HLTF: variants seen among roughly 807,000 people sequenced by gnomAD.
HLTF encodes the protein helicase like transcription factor.
A neutral mutation model predicts 129.4 loss-of-function variants in HLTF; 127 were observed. That is an observed-to-expected ratio of 0.98 (90% CI 0.85 to 1.14). The LOEUF is 1.14. Among genes scored for constraint, HLTF ranks in the 50% most tolerant of loss-of-function variants. The pLI, the probability that HLTF is intolerant of heterozygous loss-of-function variation, is 0.00. For missense variants in HLTF, 1,139 were observed against 1,187.1 expected (o/e 0.96, Z 0.60); for synonymous variants, 332 against 388.8 (o/e 0.85, Z 1.72).
At chr3:149,062,397 A>G (rs1239139598) in intron 10 of HLTF, among the ~76,000 whole-genome samples, 1 of 152,226 alleles carries the variant, frequency 6.6e-6, no homozygotes, top group Non-Finnish European at 1.5e-5. Flanking sequence ...AACACTGATG[A>G]GTGCTGGCTT....
At chr3:149,047,997 C>T (rs750232301) in intron 17 of HLTF, 31 bp downstream of exon 17, 3 of 1,540,962 alleles carry the variant, frequency 1.9e-6, no homozygotes, top group South Asian at 1.2e-5. Flanking sequence ...TTATTTGTAA[C>T]TAATATTAAT....
At chr3:149,086,296 C>T in intron 1 of HLTF, 21 bp downstream of exon 1, 1 of 1,601,778 alleles carries the variant, frequency 6.2e-7, no homozygotes, top group Non-Finnish European at 8.5e-7. Context: ...CCGAGCGCCC[C>T]ACCCCCTCCG....
intron 13 of HLTF, 109 bp from the exon 14 acceptor site, chr3:149,055,509 T>A: frequency 1.4e-6 from 1 of 729,544 alleles, no homozygotes; most frequent in Non-Finnish European, 2.3e-6. Context: ...TAGGAACAAT[T>A]AAAATGAAGC....
Position 149,063,535 on chromosome 3 carries a change from G to T in HLTF, c.1067-11C>A, listed in dbSNP as rs745786676. On this transcript the variant is annotated splice_polypyrimidine_tract_variant and intron_variant, in intron 9 of 24. Coordinates refer to ENST00000310053, the MANE Select transcript of HLTF (RefSeq NM_003071.4). ...TACATCTAGATGCGTCTATTTCAAA[G>T]AAAAATGCAAATATAAAGTATTAGT... 2 of 1,497,090 alleles carry T rather than the reference G, an allele frequency of 1.3e-6. No homozygotes were observed. Among genetic ancestry groups the T allele is most frequent in the Non-Finnish European group, 1.9e-6 (2 of 1,074,116 alleles). 92.7% of individuals were successfully genotyped at this position (1,497,090 alleles called of 1,614,324 possible).
intron 18 of HLTF, 64 bp from the exon 19 acceptor site, chr3:149,042,354 C>A: frequency 7.2e-7 from 1 of 1,383,872 alleles, no homozygotes; most frequent in Non-Finnish European, 1.0e-6. Flanking sequence ...TATTCTAAAA[C>A]AGCAGAGTAA....
chr3:149,050,997 G>T (rs904121850), intron 14 of HLTF, among the ~76,000 whole-genome samples: 2 of 152,032 alleles, frequency 1.3e-5, no homozygotes, highest in African/African-American at 4.8e-5. Flanking sequence ...ACTGAAAAGA[G>T]AAGATACCAG....
intron 24 of HLTF, among the ~76,000 whole-genome samples, chr3:149,032,835 C>T (rs566739813): frequency 2.9e-4 from 44 of 151,704 alleles, no homozygotes; most frequent in Admixed American, 1.0e-3. Flanking sequence ...TGGTGGTGGG[C>T]GCCTGTAGTC....
rs369084592 is a variant in HLTF, at chr3:149,055,449, T to C, written c.1376-49A>G. The C allele has an allele frequency of 4.6e-4, 552 of 1,205,792 alleles. 2 individuals are homozygous for C. The highest frequency in any genetic ancestry group is 4.5e-4 in the Non-Finnish European group (365 of 812,068). 74.7% of individuals were successfully genotyped at this position (1,205,792 alleles called of 1,614,324 possible). ...AACCTTTAGCTGTTTTTCTGAAATA[T>C]ATATGTCAATAAGGAGATGGCAATA... On this transcript the variant is annotated intron_variant, in intron 13 of 24. Transcript: ENST00000310053.
At position 149,032,518 on chromosome 3, in the gene HLTF, A is replaced by G. The variant is rs1302102126; in HGVS notation, c.2878-146T>C. On this transcript the variant is annotated intron_variant, in intron 24 of 24. Transcript: ENST00000310053. The stretch of plus-strand genomic sequence containing the variant: ...TATAATAACTATTTAATAGAACTGA[A>G]CTTTGCTTTCCTTACCCAATATGGT... 7.9e-6 allele frequency: 4 copies of G among 504,592 alleles called. No individual in the cohort carries two copies. In the African/African-American group the frequency reaches 8.0e-5, roughly 10 times the overall value. 31.3% of individuals were successfully genotyped at this position (504,592 alleles called of 1,614,324 possible).
chr3:149,033,078 C>T (rs534603605), intron 24 of HLTF, among the ~76,000 whole-genome samples: 3 of 151,378 alleles, frequency 2.0e-5, no homozygotes, highest in Admixed American at 1.3e-4. Context: ...CTGATAAAAA[C>T]TTGATTTTAA....
intron 4 of HLTF, 50 bp downstream of exon 4, chr3:149,074,165 C>T (rs761180166): frequency 5.8e-6 from 9 of 1,546,702 alleles, no homozygotes; most frequent in Non-Finnish European, 7.9e-6. Context: ...GTTTCATAAT[C>T]CCTGCATCTT....
intron 14 of HLTF, among the ~76,000 whole-genome samples, chr3:149,052,570 TTGAAGTC>T (rs1224297231): frequency 2.2e-4 from 33 of 152,314 alleles, no homozygotes; most frequent in African/African-American, 7.9e-4. Flanking sequence ...CATGGCAATA[TTGAAGTC>T]TGAAGATCTC....
intron 19 of HLTF, 42 bp from the exon 20 acceptor site, chr3:149,041,710 T>TAATATGAC: frequency 7.2e-7 from 1 of 1,380,040 alleles, no homozygotes; most frequent in Non-Finnish European, 1.0e-6. Context: ...GCAAGGTTTG[T>TAATATGAC]AATATGACAA....
intron 2 of HLTF, among the ~76,000 whole-genome samples, chr3:149,078,348 C>A (rs1035999964): frequency 5.3e-5 from 8 of 151,928 alleles, no homozygotes; most frequent in Non-Finnish European, 1.2e-4. Context: ...GAATTTGAGA[C>A]CAGCCTGGGA....
rs574784654 is a variant in HLTF, at chr3:149,031,158, TA to T, written c.*1061del. On this transcript the variant is annotated 3_prime_UTR_variant, in exon 25 of 25. Transcript: ENST00000310053. ...ATAAGTTTGCTTATTAACAAAAAAG[TA>T]AAAAAAAAAGAAAAGAAAAAAGATG... 10 of 145,156 alleles carry T rather than the reference TA, an allele frequency of 6.9e-5. No homozygotes were observed. Among genetic ancestry groups the T allele is most frequent in the Non-Finnish European group, 4.6e-5 (3 of 65,488 alleles). 9.0% of individuals were successfully genotyped at this position (145,156 alleles called of 1,614,324 possible).
chr3:149,068,615 A>C (rs1285979594), intron 7 of HLTF, among the ~76,000 whole-genome samples: 1 of 152,206 alleles, frequency 6.6e-6, no homozygotes, highest in Non-Finnish European at 1.5e-5. Flanking sequence ...TTCTACATTT[A>C]ATCCTGAACT....
intron 24 of HLTF, among the ~76,000 whole-genome samples, chr3:149,032,860 G>A (rs888061015): frequency 6.6e-6 from 1 of 151,826 alleles, no homozygotes; most frequent in Non-Finnish European, 1.5e-5. Context: ...CTACTCGGGA[G>A]GCTGAGGCAG....
chr3:149,041,998 A>C, intron 19 of HLTF, 168 bp downstream of exon 19: 1 of 627,080 alleles, frequency 1.6e-6, no homozygotes, highest in East Asian at 2.7e-5. Flanking sequence ...ATTCCATTTC[A>C]TTGGTAAAAA....
chr3:149,082,467 C>T (rs988787492), intron 2 of HLTF, among the ~76,000 whole-genome samples: 1 of 149,566 alleles, frequency 6.7e-6, no homozygotes, highest in African/African-American at 2.5e-5. Flanking sequence ...TCAAAAAAAA[C>T]AAAAAAAAAG....
Sources: allele counts gnomAD v4.1 joint callset (sites outside exome capture counted in the v4.1 genomes callset), GRCh38; gene constraint gnomAD v4.1.1; transcripts MANE v1.5; gene names NCBI Gene and HGNC (gene_info 2026-07-23, HGNC 2026-07-21).